Variants in LINGO2 observed in about 807,000 individuals in gnomAD.
LINGO2 encodes leucine rich repeat and Ig domain containing 2.
In LINGO2, 14 loss-of-function variants were observed where a neutral mutation model predicts 30.6. The ratio of observed to expected loss-of-function variants is 0.46; its 90% CI spans 0.30 to 0.72. The LOEUF (loss-of-function observed/expected upper bound fraction) is 0.72. LINGO2 is among the 30% of genes least tolerant of loss of function. LINGO2 has a pLI of 0.07. For missense variants in LINGO2, 729 were observed against 751.7 expected, an observed-to-expected ratio of 0.97 and a Z score of 0.35; for synonymous variants, 317 against 288.5, an observed-to-expected ratio of 1.10 and a Z score of -1.00.
chr9:28,817,373 T>C, the LINGO2 span, among the ~76,000 whole-genome samples: 1 of 152,216 alleles, frequency 6.6e-6, no homozygotes, highest in Admixed American at 6.5e-5. Flanking sequence ...CCATTTCACA[T>C]AATCTTGGCA....
chr9:28,643,422 C>T (rs1827694690), intron 1 of LINGO2, among the ~76,000 whole-genome samples: 1 of 151,844 alleles, frequency 6.6e-6, no homozygotes, highest in African/African-American at 2.4e-5. Flanking sequence ...ACAAAGATGC[C>T]AAGAACACAC....
chr9:28,919,324 T>A, the LINGO2 span, among the ~76,000 whole-genome samples: 1 of 152,160 alleles, frequency 6.6e-6, no homozygotes, highest in African/African-American at 2.4e-5. Context: ...ACATTTCTTA[T>A]CATTTACTAC....
chr9:28,999,900 G>GTA, the LINGO2 span, among the ~76,000 whole-genome samples: 28,460 of 151,626 alleles, frequency 0.19, 2,827 homozygotes, highest in East Asian at 0.28. Context: ...CTAAATAACT[G>GTA]TATCCATGTT....
chr9:28,427,453 T>C (rs998667040), intron 2 of LINGO2, among the ~76,000 whole-genome samples: 10 of 152,158 alleles, frequency 6.6e-5, no homozygotes, highest in African/African-American at 2.4e-4. Flanking sequence ...ATGTATATTC[T>C]CTCCATTAAT....
At chr9:28,904,733 A>T in the LINGO2 span, among the ~76,000 whole-genome samples, 1 of 152,086 alleles carries the variant, frequency 6.6e-6, no homozygotes, top group African/African-American at 2.4e-5. Context: ...TGTGTATATG[A>T]GTAGAAATAA....
chr9:28,382,603 C>CT (rs1821398693), intron 2 of LINGO2, among the ~76,000 whole-genome samples: 1 of 152,106 alleles, frequency 6.6e-6, no homozygotes, highest in Non-Finnish European at 1.5e-5. Context: ...CAGTCTGCAG[C>CT]TCTTCAACAC....
intron 4 of LINGO2, among the ~76,000 whole-genome samples, chr9:28,053,317 G>C (rs998338230): frequency 2.0e-5 from 3 of 152,096 alleles, no homozygotes; most frequent in Non-Finnish European, 4.4e-5. Flanking sequence ...AGTTTAGTAT[G>C]ACCGGGTCTT....
chr9:27,982,884 A>T (rs1392550727), intron 5 of LINGO2, among the ~76,000 whole-genome samples: 3 of 151,788 alleles, frequency 2.0e-5, no homozygotes, highest in Admixed American at 1.3e-4. Flanking sequence ...AGAAAAATGT[A>T]TGTAAAGTGC....
the LINGO2 span, among the ~76,000 whole-genome samples, chr9:29,159,362 A>T: frequency 6.6e-6 from 1 of 152,176 alleles, no homozygotes; most frequent in Non-Finnish European, 1.5e-5. Context: ...TTCTCATCCC[A>T]TCTCATGATC....
At chr9:28,785,965 T>C in the LINGO2 span, among the ~76,000 whole-genome samples, 1 of 152,304 alleles carries the variant, frequency 6.6e-6, no homozygotes, top group Admixed American at 6.5e-5. Flanking sequence ...CGACCTTCTG[T>C]AACAAATCCA....
the LINGO2 span, among the ~76,000 whole-genome samples, chr9:28,941,927 CA>C: frequency 6.6e-6 from 1 of 152,108 alleles, no homozygotes; most frequent in Non-Finnish European, 1.5e-5. Context: ...ATAAGTTTAA[CA>C]CCTGAAAGAA....
At chr9:28,569,219 A>T (rs1295424003) in intron 1 of LINGO2, among the ~76,000 whole-genome samples, 1 of 151,960 alleles carries the variant, frequency 6.6e-6, no homozygotes, top group Non-Finnish European at 1.5e-5. Context: ...CATTATAGAA[A>T]ACAGTATGGA....
At chr9:28,036,559 A>T (rs1823945341) in intron 4 of LINGO2, among the ~76,000 whole-genome samples, 1 of 152,224 alleles carries the variant, frequency 6.6e-6, no homozygotes, top group Non-Finnish European at 1.5e-5. Context: ...TTAGGCAAAT[A>T]TGGTTTCCAT....
At chr9:28,220,277 T>A (rs900496210) in intron 4 of LINGO2, among the ~76,000 whole-genome samples, 1 of 152,164 alleles carries the variant, frequency 6.6e-6, no homozygotes, top group African/African-American at 2.4e-5. Flanking sequence ...TGGTTGAATT[T>A]TAACACAACA....
At chr9:29,067,528 T>A in the LINGO2 span, among the ~76,000 whole-genome samples, 61,601 of 151,350 alleles carry the variant, frequency 0.41, 12,896 homozygotes, top group African/African-American at 0.5. Context: ...TCAATAAGAA[T>A]CAAGTTTTGA....
At chr9:27,970,366 CAACT>C (rs1196851071) in intron 5 of LINGO2, among the ~76,000 whole-genome samples, 1 of 152,132 alleles carries the variant, frequency 6.6e-6, no homozygotes, top group Non-Finnish European at 1.5e-5. Flanking sequence ...GCTCTGAAAC[CAACT>C]GAGAACTTTT....
intron 1 of LINGO2, among the ~76,000 whole-genome samples, chr9:28,545,202 G>A (rs755055295): frequency 5.3e-5 from 8 of 152,126 alleles, no homozygotes; most frequent in South Asian, 2.1e-4. Flanking sequence ...GATTTTAACT[G>A]AACTGAGGGG....
At chr9:27,979,762 G>C (rs1316090062) in intron 5 of LINGO2, among the ~76,000 whole-genome samples, 1 of 151,930 alleles carries the variant, frequency 6.6e-6, no homozygotes, top group East Asian at 1.9e-4. Flanking sequence ...ATGATAAAAG[G>C]AAAGACTTCT....
At chr9:28,896,488 A>AT in the LINGO2 span, among the ~76,000 whole-genome samples, 137,107 of 152,098 alleles carry the variant, frequency 0.9, 62,036 homozygotes, top group Non-Finnish European at 0.94. Flanking sequence ...AGCAAGAAAT[A>AT]CATAATGAGA....
Sources: allele counts gnomAD v4.1 joint callset (sites outside exome capture counted in the v4.1 genomes callset), GRCh38; gene constraint gnomAD v4.1.1; transcripts MANE v1.5; gene names NCBI Gene and HGNC (gene_info 2026-07-23, HGNC 2026-07-21).